Variants in NT5C2 observed in about 807,000 individuals in gnomAD.
NT5C2 encodes the protein cytosolic purine 5'-nucleotidase.
NT5C2 carries 58 observed loss-of-function variants against 76.1 expected under a neutral mutation model. That is an observed-to-expected ratio of 0.76 (90% CI 0.62 to 0.95). The LOEUF (loss-of-function observed/expected upper bound fraction) is 0.95, where lower values mean the gene tolerates loss of function less well. NT5C2 is among the 40% of genes least tolerant of loss of function. The probability of loss-of-function intolerance (pLI) is 0.00; values close to 1 mark genes in which losing one functional copy is unlikely to be tolerated. For synonymous variants in NT5C2, 229 were observed against 237.4 expected (o/e 0.96, Z 0.32); for missense variants, 478 against 690.3 (o/e 0.69, Z 3.45).
chr10:103,129,852 G>A (rs1382139954), intron 4 of NT5C2, among the ~76,000 whole-genome samples: 27 of 75,014 alleles, frequency 3.6e-4, no homozygotes, highest in South Asian at 5.7e-4. Context: ...CCCTCTGCCC[G>A]GCCAGCCGCC....
intron 4 of NT5C2, among the ~76,000 whole-genome samples, chr10:103,132,350 T>A (rs1433890622): frequency 6.6e-6 from 1 of 151,990 alleles, no homozygotes; most frequent in African/African-American, 2.4e-5. Context: ...GATTCGGGAC[T>A]GGATCCTAGA....
chr10:103,174,466 G>A (rs2089287588), intron 3 of NT5C2, among the ~76,000 whole-genome samples: 1 of 152,184 alleles, frequency 6.6e-6, no homozygotes, highest in Non-Finnish European at 1.5e-5. Flanking sequence ...AGCTACTCAG[G>A]AGGCTGAGGC....
At chr10:103,154,183 T>C (rs74233809) in intron 3 of NT5C2, among the ~76,000 whole-genome samples, 15,573 of 152,188 alleles carry the variant, frequency 0.1, 958 homozygotes, top group East Asian at 0.26. Context: ...TCTAAGAACA[T>C]TGAGATGGCA....
intron 18 of NT5C2, chr10:103,090,149 G>T (rs942039542): frequency 6.9e-6 from 3 of 433,376 alleles, no homozygotes; most frequent in Non-Finnish European, 1.2e-5. Flanking sequence ...GATGGAGAGG[G>T]GAGTTTACTT....
Position 103,175,712 on chromosome 10 carries a change from C to A in NT5C2, c.-24-730G>T, listed in dbSNP as rs1383428852. 4 of 254,730 alleles carry A rather than the reference C, an allele frequency of 1.6e-5. No homozygotes were observed. The Admixed American group carries it at 1.6e-4, about 10-fold the overall frequency. 15.8% of individuals were successfully genotyped at this position (254,730 alleles called of 1,614,324 possible). On this transcript the variant is annotated intron_variant, in intron 2 of 18. Transcript: ENST00000404739. ...AGGAGTGTTGCCTCTGTGAACAGAA[C>A]ACATGAGGCAGCCGGGGCCACTGGC...
chr10:103,185,786 A>C (rs1591903700), intron 1 of NT5C2, among the ~76,000 whole-genome samples: 1 of 152,284 alleles, frequency 6.6e-6, no homozygotes, highest in East Asian at 1.9e-4. Context: ...GTTACAAAAT[A>C]ATTTAAAAAG....
At chr10:103,176,483 T>C (rs1344647368) in intron 2 of NT5C2, among the ~76,000 whole-genome samples, 3 of 152,176 alleles carry the variant, frequency 2.0e-5, no homozygotes, top group African/African-American at 7.2e-5. Flanking sequence ...AAACATTGCA[T>C]ACCCAGCCTC....
intron 12 of NT5C2, among the ~76,000 whole-genome samples, chr10:103,094,737 C>T (rs2067750556): frequency 6.6e-6 from 1 of 152,036 alleles, no homozygotes; most frequent in Admixed American, 6.5e-5. Context: ...CAAAAATTAG[C>T]CGGGCGTGGT....
intron 2 of NT5C2, among the ~76,000 whole-genome samples, chr10:103,176,747 A>G (rs1243765988): frequency 6.6e-6 from 1 of 152,152 alleles, no homozygotes; most frequent in Non-Finnish European, 1.5e-5. Flanking sequence ...GGTTCAAGCA[A>G]TCTGCTCACC....
rs1156583063 is a variant in NT5C2 at position 103,163,860 on chromosome 10, C to CAAA, written c.101+10995_101+10997dup. On this transcript the variant is annotated intron_variant, in intron 3 of 18. Transcript: ENST00000404739. ...AGTGAAACCGTCTCTACTAAAAATACAAAAAAAAAACAAAAAAAAAAAAAC... is the reference window on the plus strand; with the variant it reads ...AGTGAAACCGTCTCTACTAAAAATACAAAAAAAAAAAAACAAAAAAAAAAAAAC... 5.1e-3 allele frequency among the ~76,000 whole-genome samples: 258 copies of CAAA among 50,344 alleles called. 11 individuals carry two copies. In the East Asian group the frequency reaches 0.094, roughly 18 times the overall value. The allele number at this position is 50,344 out of a possible 152,430, so 33.0% of individuals were successfully genotyped here.
chr10:103,100,397 C>A (rs2069270598), intron 8 of NT5C2, among the ~76,000 whole-genome samples: 1 of 152,160 alleles, frequency 6.6e-6, no homozygotes, highest in Admixed American at 6.5e-5. Flanking sequence ...TCCCTAAGTA[C>A]AAAGGTACTG....
intron 1 of NT5C2, among the ~76,000 whole-genome samples, chr10:103,188,511 A>G (rs1052524170): frequency 6.6e-6 from 1 of 152,214 alleles, no homozygotes; most frequent in African/African-American, 2.4e-5. Context: ...TTCTTGCATA[A>G]AAGACAAAAA....
chr10:103,100,827 C>A, intron 8 of NT5C2: 1 of 663,234 alleles, frequency 1.5e-6, no homozygotes, highest in Non-Finnish European at 2.8e-6. Context: ...GAAGTGGTGG[C>A]TGCAGCACAC....
chr10:103,098,050 C>A, intron 10 of NT5C2: 3 of 529,522 alleles, frequency 5.7e-6, no homozygotes, highest in South Asian at 4.2e-5. Flanking sequence ...ATCTTTACCA[C>A]AGTACTTTGA....
At chr10:103,164,641 A>G (rs554270428) in intron 3 of NT5C2, among the ~76,000 whole-genome samples, 81 of 152,226 alleles carry the variant, frequency 5.3e-4, no homozygotes, top group Non-Finnish European at 1.0e-3. Context: ...TATTGATACA[A>G]TGGAATGACA....
chr10:103,110,005 T>A (rs911700625), intron 4 of NT5C2, among the ~76,000 whole-genome samples: 1 of 152,246 alleles, frequency 6.6e-6, no homozygotes, highest in African/African-American at 2.4e-5. Context: ...GGAAATACTT[T>A]AAATTTCCTT....
At chr10:103,178,650 G>A (rs911488678) in intron 2 of NT5C2, among the ~76,000 whole-genome samples, 12 of 151,710 alleles carry the variant, frequency 7.9e-5, no homozygotes, top group Non-Finnish European at 1.6e-4. Context: ...GGCCATCATG[G>A]TGAAACCCCG....
intron 4 of NT5C2, among the ~76,000 whole-genome samples, chr10:103,136,818 G>A (rs1040877852): frequency 6.6e-6 from 1 of 152,012 alleles, no homozygotes; most frequent in Non-Finnish European, 1.5e-5. Flanking sequence ...TAGAGATGGG[G>A]TTTCACCATG....
rs538627685 is a variant in NT5C2 at position 103,121,045 on chromosome 10, A to AC, written c.176-14340_176-14339insG. Among the ~76,000 whole-genome samples, 290 of 152,372 alleles carry AC rather than the reference A, an allele frequency of 1.9e-3. 1 individual carries two copies. Among genetic ancestry groups the AC allele is most frequent in the African/African-American group, 5.7e-3 (239 of 41,596 alleles). ...GCCAGACACAAAACAAGTATTGTAT[A>AC]ATTTCACTTTTATGAAATACCTATA... On this transcript the variant is annotated intron_variant, in intron 4 of 18. Transcript: ENST00000404739.
Sources: allele counts gnomAD v4.1 joint callset (sites outside exome capture counted in the v4.1 genomes callset), GRCh38; gene constraint gnomAD v4.1.1; transcripts MANE v1.5; gene names NCBI Gene and HGNC (gene_info 2026-07-23, HGNC 2026-07-21).